Variants in ANXA6 observed in about 807,000 individuals in gnomAD.
The protein encoded by ANXA6 is 67 kDa calelectrin.
A neutral mutation model predicts 95.4 loss-of-function variants in ANXA6; 71 were observed. That is an observed-to-expected ratio of 0.74 (90% CI 0.61 to 0.91). The LOEUF (loss-of-function observed/expected upper bound fraction) is 0.91, where lower values mean the gene tolerates loss of function less well. ANXA6 is among the 40% of genes least tolerant of loss of function. The pLI, the probability that ANXA6 is intolerant of heterozygous loss-of-function variation, is 0.00. For synonymous variants in ANXA6, 289 were observed against 315.9 expected, an observed-to-expected ratio of 0.91 and a Z score of 0.90; for missense variants, 830 against 876.4, an observed-to-expected ratio of 0.95 and a Z score of 0.67.
At chr5:151,132,636 C>A in intron 9 of ANXA6, 65 bp from the exon 10 acceptor site, 1 of 1,387,420 alleles carries the variant, frequency 7.2e-7, no homozygotes, top group South Asian at 1.2e-5. Context: ...GAAATGAGGA[C>A]TTCAAGAGCA....
intron 7 of ANXA6, among the ~76,000 whole-genome samples, chr5:151,135,453 G>A (rs1272435673): frequency 2.0e-5 from 3 of 152,184 alleles, no homozygotes; most frequent in African/African-American, 7.2e-5. Context: ...GAGTTGGGAG[G>A]AGCTGGTATA....
intron 8 of ANXA6, 102 bp downstream of exon 8, chr5:151,134,325 T>A (rs1260073020): frequency 9.0e-7 from 1 of 1,114,180 alleles, no homozygotes; most frequent in Non-Finnish European, 1.4e-6. Flanking sequence ...TTCTGGTATT[T>A]GATGCAAATG....
Position 151,122,238 on chromosome 5 carries a change from G to A in ANXA6, c.1256C>T (p.Ser419Phe), listed in dbSNP as rs1334144971. Reference sequence around the variant, plus strand: ...CCTTGCCAGGTCTCCAGAGATCTCAGACTTCAGGTCAGTCATTAAGTCCTG... The same window carrying A: ...CCTTGCCAGGTCTCCAGAGATCTCAAACTTCAGGTCAGTCATTAAGTCCTG... The part of the protein sequence containing the change: ...FGRDLMTDLK[S>F]EISGDLARLI... The change falls in exon 17 of 26, where the codon TCT becomes TTT. Residue 419 changes from serine to phenylalanine, a missense_variant. By Grantham distance (155) the Ser-to-Phe change is radical. Coordinates refer to ENST00000354546, the MANE Select transcript of ANXA6 (RefSeq NM_001155.5). 8 of 1,604,840 alleles carry A rather than the reference G, an allele frequency of 5.0e-6. No individual in the cohort carries two copies. In the African/African-American group the frequency reaches 9.4e-5, roughly 19 times the overall value.
intron 23 of ANXA6, among the ~76,000 whole-genome samples, chr5:151,106,991 A>G (rs1375009047): frequency 6.6e-6 from 1 of 152,206 alleles, no homozygotes; most frequent in Admixed American, 6.5e-5. Flanking sequence ...AAGTGTCTCC[A>G]AAGGCTAATT....
chr5:151,137,071 A>G (rs1765683956), intron 6 of ANXA6, 160 bp downstream of exon 6: 2 of 669,350 alleles, frequency 3.0e-6, no homozygotes, highest in Admixed American at 2.7e-5. Flanking sequence ...CACATCACCC[A>G]GCACAGAGCA....
rs79865212 is a variant in ANXA6 at position 151,120,207 on chromosome 5, G to A, written c.1348-817C>T. Among the ~76,000 whole-genome samples, 1,149 of 152,138 alleles carry A rather than the reference G, an allele frequency of 7.6e-3. 13 individuals are homozygous for A. The highest frequency in any genetic ancestry group is 0.027 in the African/African-American group (1,100 of 41,486). ...TGAGGAGTGATTTATGAACTGAGGC[G>A]TTACATGCCCTGGACTAAGGCAGGC... On this transcript the variant is annotated intron_variant, in intron 17 of 25. Transcript: ENST00000354546.
intron 23 of ANXA6, among the ~76,000 whole-genome samples, chr5:151,106,962 G>C (rs6892056): frequency 1.1e-3 from 165 of 152,296 alleles, no homozygotes; most frequent in African/African-American, 3.8e-3. Context: ...GGAAATACAC[G>C]AGGAGGGTAG....
At chr5:151,139,017 AG>A in intron 4 of ANXA6, 1 of 601,424 alleles carries the variant, frequency 1.7e-6, no homozygotes. Flanking sequence ...ATGCAGGGTC[AG>A]GTCCACAGCC....
chr5:151,146,047 G>C (rs1320079890), intron 2 of ANXA6, among the ~76,000 whole-genome samples: 1 of 152,140 alleles, frequency 6.6e-6, no homozygotes, highest in Non-Finnish European at 1.5e-5. Flanking sequence ...CATAGGAGGA[G>C]GGTTCCCTAA....
chr5:151,133,963 T>C (rs1213569265), intron 8 of ANXA6, among the ~76,000 whole-genome samples: 1 of 152,232 alleles, frequency 6.6e-6, no homozygotes, highest in Non-Finnish European at 1.5e-5. Context: ...AGGGACTATG[T>C]CATAGCATTC....
intron 25 of ANXA6, 105 bp from the exon 26 acceptor site, chr5:151,101,612 A>G (rs1164371638): frequency 1.6e-5 from 15 of 962,768 alleles, no homozygotes; most frequent in Non-Finnish European, 2.5e-5. Flanking sequence ...GCTTCTCTCC[A>G]TGACCAACAT....
rs984060507 is a variant in ANXA6 at position 151,101,376 on chromosome 5, C to T, written c.*72G>A. 2.8e-5 allele frequency: 24 copies of T among 851,372 alleles called. No individual in the cohort carries two copies. The African/African-American group carries it at 3.7e-4, about 13-fold the overall frequency. 52.7% of individuals were successfully genotyped at this position (851,372 alleles called of 1,614,324 possible). The stretch of plus-strand genomic sequence containing the variant: ...CCTTCCTTAGTCTCTGGAGCTGGAA[C>T]AATCAGGCTTGGCCATGGCGGCTGG... On this transcript the variant is annotated 3_prime_UTR_variant, in exon 26 of 26. Coordinates refer to ENST00000354546, the MANE Select transcript of ANXA6 (RefSeq NM_001155.5).
chr5:151,145,507 C>A (rs1260021125), intron 2 of ANXA6, among the ~76,000 whole-genome samples: 2 of 152,220 alleles, frequency 1.3e-5, no homozygotes, highest in Non-Finnish European at 1.5e-5. Flanking sequence ...GCCTCAAGTT[C>A]TCCTCTTCCA....
chr5:151,156,143 G>A (rs953084591), intron 1 of ANXA6, among the ~76,000 whole-genome samples: 1 of 152,256 alleles, frequency 6.6e-6, no homozygotes, highest in African/African-American at 2.4e-5. Context: ...GGCAAAGAAA[G>A]ATGGATGAGT....
chr5:151,137,171 G>T, intron 6 of ANXA6, 60 bp downstream of exon 6: 1 of 1,424,246 alleles, frequency 7.0e-7, no homozygotes. Context: ...TGTCCCCACT[G>T]TTGCAATCAT....
chr5:151,104,682 G>T (rs1263670141), intron 24 of ANXA6, among the ~76,000 whole-genome samples: 4 of 152,226 alleles, frequency 2.6e-5, no homozygotes, highest in African/African-American at 4.8e-5. Flanking sequence ...GCTATCTGCA[G>T]TTGAGACTCC....
At chr5:151,120,921 T>C (rs545023518) in intron 17 of ANXA6, among the ~76,000 whole-genome samples, 63 of 152,318 alleles carry the variant, frequency 4.1e-4, no homozygotes, top group Middle Eastern at 3.4e-3. Flanking sequence ...CGTCTCCCCC[T>C]AACTCACTGA....
intron 1 of ANXA6, among the ~76,000 whole-genome samples, chr5:151,153,229 G>T (rs1766150963): frequency 6.6e-6 from 1 of 152,196 alleles, no homozygotes; most frequent in Admixed American, 6.5e-5. Flanking sequence ...CAGCTTTCCA[G>T]AATCTATACC....
chr5:151,135,131 T>G (rs1026894261), intron 7 of ANXA6, among the ~76,000 whole-genome samples: 27 of 152,122 alleles, frequency 1.8e-4, no homozygotes, highest in Admixed American at 1.3e-3. Context: ...GGTCTGCAGG[T>G]GGCCTGGAGA....
Sources: gnomAD v4.1 joint callset for allele counts (sites outside exome capture counted in the v4.1 genomes callset) on GRCh38, gnomAD v4.1.1 for gene constraint, MANE v1.5 for transcripts, NCBI Gene and HGNC (gene_info 2026-07-23, HGNC 2026-07-21) for gene names.